The following ZSCAN1 variants were observed in gnomAD, a reference collection of about 807,000 sequenced individuals.
ZSCAN1 encodes zinc finger and SCAN domain containing 1, also known as zinc finger and SCAN domain-containing protein 1.
A neutral mutation model predicts 23.8 loss-of-function variants in ZSCAN1; 23 were observed. The ratio of observed to expected loss-of-function variants is 0.97; its 90% CI spans 0.70 to 1.37. The LOEUF (loss-of-function observed/expected upper bound fraction) is 1.37. Among genes scored for constraint, ZSCAN1 ranks in the 40% most tolerant of loss-of-function variants. The probability of loss-of-function intolerance (pLI) is 0.00; values close to 1 mark genes in which losing one functional copy is unlikely to be tolerated. For synonymous variants in ZSCAN1, 236 were observed against 232.3 expected (o/e 1.02, Z -0.15); for missense variants, 575 against 554.0 (o/e 1.04, Z -0.38).
rs1028922445 is a variant in ZSCAN1, at chr19:58,049,814, C to A, written c.466-2676C>A. Among the ~76,000 whole-genome samples the A allele has an allele frequency of 6.6e-6, 1 of 152,222 alleles. No individual in the cohort carries two copies. The highest frequency in any genetic ancestry group is 2.4e-5 in the African/African-American group (1 of 41,456). On this transcript the variant is annotated intron_variant, in intron 4 of 5. Coordinates refer to ENST00000282326, the MANE Select transcript of ZSCAN1 (RefSeq NM_182572.4). This position sits in a 1 kb window ranked among gnomAD's most constrained non-coding sequence, Gnocchi z 4.5. ...GGTGGTTCCCACCGCGTAGCTGATACTCGTGGCCCCTGCTTTTCTTCTTTG... is the reference window on the plus strand; with the variant it reads ...GGTGGTTCCCACCGCGTAGCTGATAATCGTGGCCCCTGCTTTTCTTCTTTG...
rs1415761306 is a variant in ZSCAN1, at chr19:58,053,085, GAGT to G, written c.605-341_605-339del. ...AGCGATTCTCCTGCCTCACCCTCCT[GAGT>G]AGCTGGGATTACAGGCGCACACCAC... is the stretch of plus-strand genomic sequence containing the variant. On this transcript the variant is annotated intron_variant, in intron 5 of 5. Coordinates refer to ENST00000282326, the MANE Select transcript of ZSCAN1 (RefSeq NM_182572.4). This position sits in a 1 kb window ranked among gnomAD's most constrained non-coding sequence, Gnocchi z 5.8. Among the ~76,000 whole-genome samples the G allele has an allele frequency of 2.0e-5, 3 of 151,750 alleles. No homozygotes were observed. The highest frequency in any genetic ancestry group is 3.9e-4 in the East Asian group (2 of 5,156).
rs975271789 is a variant in ZSCAN1, at chr19:58,044,618, G to A, written c.465+4074G>A. 90 of 1,057,882 alleles carry A rather than the reference G, an allele frequency of 8.5e-5. No homozygotes were observed. In the African/African-American group the frequency reaches 1.1e-3, roughly 13 times the overall value. The allele number at this position is 1,057,882 out of a possible 1,614,324, so 65.5% of individuals were successfully genotyped here. A position where few individuals can be genotyped will look rare whatever the true frequency, so the allele number is the denominator to read the frequency against. ...GTCCATCTTAATGAGGAGCTGCCGC[G>A]GCTGGGCGCCCGCCAGCCTCCCGCC... is the stretch of plus-strand genomic sequence containing the variant. On this transcript the variant is annotated intron_variant, in intron 4 of 5. Transcript: ENST00000282326.
rs1321967548 is a variant in ZSCAN1, at chr19:58,045,746, T to C, written c.465+5202T>C. The C allele has an allele frequency of 3.6e-6, 5 of 1,372,854 alleles. No homozygotes were observed. Among genetic ancestry groups the C allele is most frequent in the Non-Finnish European group, 5.2e-6 (5 of 961,348 alleles). The allele number at this position is 1,372,854 out of a possible 1,614,324, so 85.0% of individuals were successfully genotyped here. A position where few individuals can be genotyped will look rare whatever the true frequency, so the allele number is the denominator to read the frequency against. The stretch of plus-strand genomic sequence containing the variant: ...GCCCTGGGCGTCAGGGAAAACCACC[T>C]GAGGGGCCAGCTGAAGCAGTGGCTG... On this transcript the variant is annotated intron_variant, in intron 4 of 5. Transcript: ENST00000282326. The surrounding 1 kb of genome is among the most constrained non-coding windows in gnomAD (Gnocchi z 4.3).
At position 58,047,557 on chromosome 19, in the gene ZSCAN1, C is replaced by T. The variant is rs571427640; in HGVS notation, c.466-4933C>T. 5.3e-5 allele frequency among the ~76,000 whole-genome samples: 8 copies of T among 152,324 alleles called. No individual in the cohort carries two copies. Among genetic ancestry groups the T allele is most frequent in the Middle Eastern group, 3.4e-3 (1 of 294 alleles). On this transcript the variant is annotated intron_variant, in intron 4 of 5. Transcript: ENST00000282326. This position sits in a 1 kb window ranked among gnomAD's most constrained non-coding sequence, Gnocchi z 4.9. ...TCCCTTGGGTGGTGCTTGGGCTGCG[C>T]GCCACGGGGGCTGCAGTGGATTTAC...
chr19:58,044,966 T>C (rs917254101), intron 4 of ZSCAN1: 26 of 1,116,562 alleles, frequency 2.3e-5, no homozygotes, highest in Non-Finnish European at 3.4e-5. Flanking sequence ...CTCAAGTCCT[T>C]GAAGGACAAG....
At chr19:58,041,503 C>T (rs1024952370) in intron 4 of ZSCAN1, among the ~76,000 whole-genome samples, 2 of 152,264 alleles carry the variant, frequency 1.3e-5, no homozygotes, top group African/African-American at 2.4e-5. Flanking sequence ...GACCCACTCT[C>T]AGGCAGCCAA....
chr19:58,038,232 G>T (rs942374508), intron 3 of ZSCAN1, 26 bp downstream of exon 3: 13 of 1,582,230 alleles, frequency 8.2e-6, no homozygotes, highest in Admixed American at 1.8e-5. Context: ...TTCCTGCCCC[G>T]GGCCGGGCCA....
In ZSCAN1 at chr19:58,040,542, C is replaced by A. The variant is rs1274879985; in HGVS notation, c.463C>A (p.Gln155Lys). ...KSPRSQKEPSQASELILDAVA... is the reference protein window; with the variant it reads ...KSPRSQKEPSKASELILDAVA... ...TCCAAGGTCCCAGAAAGAACCATCG[C>A]AGGTGAGCCCGGGGCCCCCAGCTCC... Residue 155 changes from glutamine to lysine, a missense_variant and splice_region_variant, in exon 4 of 6, where the codon CAG becomes AAG. Gln to Lys is a moderately conservative substitution (Grantham distance 53). Coordinates refer to ENST00000282326, the MANE Select transcript of ZSCAN1 (RefSeq NM_182572.4). This position sits in a 1 kb window ranked among gnomAD's most constrained non-coding sequence, Gnocchi z 5.8. 1 of 1,613,288 alleles carries A rather than the reference C, an allele frequency of 6.2e-7. No individual in the cohort carries two copies. Among genetic ancestry groups the A allele is most frequent in the Non-Finnish European group, 8.5e-7 (1 of 1,179,954 alleles).
chr19:58,054,490 C>T lies in ZSCAN1; in HGVS notation c.*439C>T, dbSNP rs1356213979. On this transcript the variant is annotated 3_prime_UTR_variant, in exon 6 of 6. Coordinates refer to ENST00000282326, the MANE Select transcript of ZSCAN1 (RefSeq NM_182572.4). The surrounding 1 kb of genome is among the most constrained non-coding windows in gnomAD (Gnocchi z 4.2). ...GCTCCAACTCCAGAGAAGGGTACAG[C>T]TGACCCCGGCTGCCCTCCTGCCAGC... 6.1e-6 allele frequency: 1 copy of T among 162,792 alleles called. No individual in the cohort carries two copies. Among genetic ancestry groups the T allele is most frequent in the Non-Finnish European group, 1.3e-5 (1 of 75,658 alleles). 10.1% of individuals were successfully genotyped at this position (162,792 alleles called of 1,614,324 possible).
rs1446137285 is a variant in ZSCAN1 at position 58,040,036 on chromosome 19, G to A, written c.371-414G>A. 6.6e-6 allele frequency among the ~76,000 whole-genome samples: 1 copy of A among 152,134 alleles called. No homozygotes were observed. The highest frequency in any genetic ancestry group is 2.4e-5 in the African/African-American group (1 of 41,422). On this transcript the variant is annotated intron_variant, in intron 3 of 5. Transcript: ENST00000282326. This position sits in a 1 kb window ranked among gnomAD's most constrained non-coding sequence, Gnocchi z 5.8. ...GGTGTGAGCCACCACGCCTGGCCTG[G>A]TTCCCACGTCTTGACCCTTCTGTCA...
chr19:58,034,493 G>C (rs1206247959), intron 1 of ZSCAN1, among the ~76,000 whole-genome samples: 1 of 151,888 alleles, frequency 6.6e-6, no homozygotes, highest in East Asian at 1.9e-4. Flanking sequence ...GCCCCTCTAC[G>C]TACCCCCATT....
At position 58,047,139 on chromosome 19, in the gene ZSCAN1, G is replaced by C. The variant is rs116217510; in HGVS notation, c.466-5351G>C. ...GGACCACATGGACTCTGCCCACACG[G>C]AGCTGGCTGCTACGCCCACCCTCAG... is the stretch of plus-strand genomic sequence containing the variant. On this transcript the variant is annotated intron_variant, in intron 4 of 5. Transcript: ENST00000282326. The surrounding 1 kb of genome is among the most constrained non-coding windows in gnomAD (Gnocchi z 4.9). Among the ~76,000 whole-genome samples, 2,319 of 152,332 alleles carry C rather than the reference G, an allele frequency of 0.015. 42 individuals carry two copies. Among genetic ancestry groups the C allele is most frequent in the African/African-American group, 0.052 (2,145 of 41,570 alleles).
rs762110190 is a variant in ZSCAN1 at position 58,040,541 on chromosome 19, G to A, written c.462G>A (p.Ser154=). 5.0e-6 allele frequency: 8 copies of A among 1,613,176 alleles called. No individual in the cohort carries two copies. The highest frequency in any genetic ancestry group is 6.8e-6 in the Non-Finnish European group (8 of 1,179,966). Residue 154 remains serine, a synonymous_variant, in exon 4 of 6, where the codon TCG becomes TCA. Transcript: ENST00000282326. This position sits in a 1 kb window ranked among gnomAD's most constrained non-coding sequence, Gnocchi z 5.8. The part of the protein sequence containing the change: ...GKSPRSQKEP[S]QASELILDAV... ...GTCCAAGGTCCCAGAAAGAACCATC[G>A]CAGGTGAGCCCGGGGCCCCCAGCTC...
In ZSCAN1 at chr19:58,053,938, G is replaced by A; in HGVS notation, c.1114G>A (p.Ala372Thr). 6.2e-7 allele frequency: 1 copy of A among 1,612,000 alleles called. No individual in the cohort carries two copies. Among genetic ancestry groups the A allele is most frequent in the Non-Finnish European group, 8.5e-7 (1 of 1,178,834 alleles). ...CAGGGATGGAGCCCAGGGCCCAGTG[G>A]CCCCTCGCAGCCCCAAAAGACCCTT... ...PPRDGAQGPV[A>T]PRSPKRPFQC... Residue 372 changes from alanine (A) to threonine (T), a missense_variant, in exon 6 of 6, where the codon GCC becomes ACC. Transcript: ENST00000282326. The surrounding 1 kb of genome is among the most constrained non-coding windows in gnomAD (Gnocchi z 5.8).
Position 58,040,669 on chromosome 19 carries a change from C to T in ZSCAN1, c.465+125C>T, listed in dbSNP as rs113289199. 7 of 934,032 alleles carry T rather than the reference C, an allele frequency of 7.5e-6. No homozygotes were observed. Among genetic ancestry groups the T allele is most frequent in the Admixed American group, 6.9e-5 (3 of 43,322 alleles). 57.9% of individuals were successfully genotyped at this position (934,032 alleles called of 1,614,324 possible). On this transcript the variant is annotated intron_variant, in intron 4 of 5. Transcript: ENST00000282326. The surrounding 1 kb of genome is among the most constrained non-coding windows in gnomAD (Gnocchi z 5.8). ...TTGTCCCCAGCGCTCCCAGGAAGCCCGGCCTCCAAACTCCCCGCCTGCCCC... is the reference window on the plus strand; with the variant it reads ...TTGTCCCCAGCGCTCCCAGGAAGCCTGGCCTCCAAACTCCCCGCCTGCCCC...
intron 5 of ZSCAN1, among the ~76,000 whole-genome samples, chr19:58,052,842 C>T (rs1455868691): frequency 2.0e-5 from 3 of 152,178 alleles, no homozygotes; most frequent in South Asian, 2.1e-4. Flanking sequence ...CCTCAGCCTC[C>T]GCACCTGAAC....
At position 58,047,391 on chromosome 19, in the gene ZSCAN1, G is replaced by A. The variant is rs191703194; in HGVS notation, c.466-5099G>A. Reference sequence around the variant, plus strand: ...TCACCTGCAGTTTTCCTTGTGTATCGGAGCTCTTTCTTAACTTTCTATTTT... The same window carrying A: ...TCACCTGCAGTTTTCCTTGTGTATCAGAGCTCTTTCTTAACTTTCTATTTT... On this transcript the variant is annotated intron_variant, in intron 4 of 5. Transcript: ENST00000282326. The surrounding 1 kb of genome is among the most constrained non-coding windows in gnomAD (Gnocchi z 4.9). Among the ~76,000 whole-genome samples the A allele has an allele frequency of 1.1e-4, 17 of 152,264 alleles. No homozygotes were observed. The highest frequency in any genetic ancestry group is 3.3e-4 in the Admixed American group (5 of 15,286).
rs540289774 is a variant in ZSCAN1 at position 58,040,543 on chromosome 19, A to G, written c.464A>G (p.Gln155Arg). The stretch of plus-strand genomic sequence containing the variant: ...CCAAGGTCCCAGAAAGAACCATCGC[A>G]GGTGAGCCCGGGGCCCCCAGCTCCG... ...KSPRSQKEPS[Q>R]ASELILDAVA... Residue 155 changes from glutamine to arginine, a missense_variant and splice_region_variant, in exon 4 of 6, where the codon CAG (glutamine) becomes CGG (arginine). Gln to Arg is a conservative substitution (Grantham distance 43). Transcript: ENST00000282326. This position sits in a 1 kb window ranked among gnomAD's most constrained non-coding sequence, Gnocchi z 5.8. The G allele has an allele frequency of 4.3e-6, 7 of 1,613,250 alleles. No homozygotes were observed. In the South Asian group the frequency reaches 7.7e-5, roughly 18 times the overall value.
chr19:58,042,647 C>G (rs2073798053), intron 4 of ZSCAN1, among the ~76,000 whole-genome samples: 1 of 152,196 alleles, frequency 6.6e-6, no homozygotes, highest in Non-Finnish European at 1.5e-5. Flanking sequence ...GGCATCTAAC[C>G]TGGGTAGACC....
Sources: gnomAD v4.1 joint callset for allele counts (sites outside exome capture counted in the v4.1 genomes callset) on GRCh38, gnomAD v4.1.1 for gene constraint, Gnocchi (gnomAD v3.1) non-coding constraint, MANE v1.5 for transcripts, NCBI Gene and HGNC (gene_info 2026-07-23, HGNC 2026-07-21) for gene names.